ATRNL1: variants seen among roughly 807,000 people sequenced by gnomAD.
ATRNL1 encodes the protein attractin-like protein 1.
A neutral mutation model predicts 182.7 loss-of-function variants in ATRNL1; 95 were observed. The ratio of observed to expected loss-of-function variants is 0.52; its 90% CI spans 0.44 to 0.62. ATRNL1 has a LOEUF of 0.62. Among genes scored for constraint, ATRNL1 ranks in the 20% least tolerant of loss-of-function variants. ATRNL1 has a pLI of 0.00. For synonymous variants in ATRNL1, 576 were observed against 568.3 expected, an observed-to-expected ratio of 1.01 and a Z score of -0.19; for missense variants, 1,471 against 1,679.5, an observed-to-expected ratio of 0.88 and a Z score of 2.17.
At chr10:115,253,484 C>T (rs1345328835) in intron 10 of ATRNL1, among the ~76,000 whole-genome samples, 1 of 152,098 alleles carries the variant, frequency 6.6e-6, no homozygotes, top group Non-Finnish European at 1.5e-5. Flanking sequence ...GAATTATGAT[C>T]TGGGCAGCAT....
chr10:115,252,089 C>T (rs904015442), intron 10 of ATRNL1, among the ~76,000 whole-genome samples: 1 of 152,004 alleles, frequency 6.6e-6, no homozygotes, highest in Non-Finnish European at 1.5e-5. Flanking sequence ...TGCAGTGGTT[C>T]GATCTTGGCT....
At chr10:115,163,086 G>C (rs984299551) in intron 6 of ATRNL1, among the ~76,000 whole-genome samples, 7 of 151,440 alleles carry the variant, frequency 4.6e-5, no homozygotes, top group Admixed American at 4.6e-4. Context: ...TGTGGTCAAG[G>C]GGTTTTTCTT....
At chr10:115,434,652 C>A (rs1554964546) in intron 21 of ATRNL1, among the ~76,000 whole-genome samples, 15 of 152,112 alleles carry the variant, frequency 9.9e-5, no homozygotes, top group Non-Finnish European at 5.9e-5. Flanking sequence ...CATAACTTCC[C>A]AAAATTGATA....
At chr10:115,570,428 A>T (rs1470145196) in intron 26 of ATRNL1, among the ~76,000 whole-genome samples, 1 of 152,194 alleles carries the variant, frequency 6.6e-6, no homozygotes, top group Non-Finnish European at 1.5e-5. Context: ...AGCAAACATG[A>T]AGATATATTT....
chr10:115,223,929 A>ATATATATATATTTTTTTTTTT (rs1420143943), intron 9 of ATRNL1, among the ~76,000 whole-genome samples: 1 of 44,730 alleles, frequency 2.2e-5, no homozygotes, highest in African/African-American at 9.2e-5. Context: ...ATATATATAT[A>ATATATATATATTTTTTTTTTT]TTTTTTTTTT....
At chr10:115,240,069 A>G (rs1359807640) in intron 9 of ATRNL1, among the ~76,000 whole-genome samples, 2 of 151,930 alleles carry the variant, frequency 1.3e-5, no homozygotes, top group East Asian at 3.9e-4. Context: ...GTAATTATCT[A>G]TTGCCATAGA....
intron 27 of ATRNL1, among the ~76,000 whole-genome samples, chr10:115,748,533 T>C (rs1433274540): frequency 6.6e-6 from 1 of 151,822 alleles, no homozygotes; most frequent in Admixed American, 6.6e-5. Context: ...CTGGACACTC[T>C]TTTGGTTTCA....
chr10:115,900,350 G>C (rs966112963), intron 28 of ATRNL1, among the ~76,000 whole-genome samples: 3 of 152,170 alleles, frequency 2.0e-5, no homozygotes, highest in African/African-American at 7.2e-5. Flanking sequence ...GGAAGAGAAA[G>C]ATTTCTTTAA....
chr10:115,558,377 C>G (rs1405617623), intron 26 of ATRNL1, among the ~76,000 whole-genome samples: 1 of 152,108 alleles, frequency 6.6e-6, no homozygotes, highest in African/African-American at 2.4e-5. Flanking sequence ...TTGGCTACCC[C>G]TTATCTGGAA....
chr10:115,941,578 AT>A (rs1201054743), intron 28 of ATRNL1, among the ~76,000 whole-genome samples: 1 of 152,226 alleles, frequency 6.6e-6, no homozygotes, highest in Non-Finnish European at 1.5e-5. Context: ...ATGATTTCAT[AT>A]TTGGATGTTG....
At chr10:115,809,405 TA>T (rs1467651655) in intron 27 of ATRNL1, among the ~76,000 whole-genome samples, 6 of 152,042 alleles carry the variant, frequency 3.9e-5, no homozygotes, top group African/African-American at 1.4e-4. Flanking sequence ...TGGACCAATA[TA>T]GGGGGAATTG....
chr10:115,870,540 T>C (rs1247460241), intron 28 of ATRNL1, among the ~76,000 whole-genome samples: 1 of 152,236 alleles, frequency 6.6e-6, no homozygotes, highest in East Asian at 1.9e-4. Flanking sequence ...CAACTGCTCC[T>C]GAAGGACTAA....
chr10:115,585,326 T>G, intron 26 of ATRNL1, among the ~76,000 whole-genome samples: 1 of 109,082 alleles, frequency 9.2e-6, no homozygotes, highest in Non-Finnish European at 2.1e-5. Flanking sequence ...GTCTCGTTGA[T>G]CTTTCTAATA....
intron 26 of ATRNL1, among the ~76,000 whole-genome samples, chr10:115,630,545 A>G (rs963688062): frequency 9.2e-5 from 14 of 151,772 alleles, no homozygotes; most frequent in African/African-American, 3.4e-4. Flanking sequence ...AGTCTCTCCA[A>G]GAGACATCTG....
At chr10:115,716,282 G>A (rs1300887311) in intron 26 of ATRNL1, among the ~76,000 whole-genome samples, 1 of 151,978 alleles carries the variant, frequency 6.6e-6, no homozygotes, top group Non-Finnish European at 1.5e-5. Context: ...ATATTGAACT[G>A]AAAATGACTC....
rs964531008 is a variant in ATRNL1 at position 115,361,785 on chromosome 10, C to T, written c.3175+27366C>T. ...TGTAAATTTTATAGCACTCTTGGCC[C>T]TTTGAGTCTCCAATTTATAACTTAA... On this transcript the variant is annotated intron_variant, in intron 19 of 28. Coordinates refer to ENST00000355044, the MANE Select transcript of ATRNL1 (RefSeq NM_207303.4). Among the ~76,000 whole-genome samples the T allele has an allele frequency of 2.6e-5, 4 of 152,046 alleles. No individual in the cohort carries two copies. The East Asian group carries it at 7.7e-4, about 29-fold the overall frequency.
chr10:115,229,297 AT>A (rs142630699), intron 9 of ATRNL1, among the ~76,000 whole-genome samples: 5,255 of 151,288 alleles, frequency 0.035, 290 homozygotes, highest in African/African-American at 0.12. Flanking sequence ...TTATGAAATT[AT>A]TTTTTTTTGT....
At chr10:115,808,517 G>T (rs1034149756) in intron 27 of ATRNL1, among the ~76,000 whole-genome samples, 7 of 152,240 alleles carry the variant, frequency 4.6e-5, no homozygotes, top group African/African-American at 1.7e-4. Flanking sequence ...GTAGACACAT[G>T]ATTTCATTTC....
intron 28 of ATRNL1, among the ~76,000 whole-genome samples, chr10:115,897,927 TC>T (rs1451356592): frequency 6.6e-6 from 1 of 150,648 alleles, no homozygotes; most frequent in Non-Finnish European, 1.5e-5. Flanking sequence ...GTATAGGTCA[TC>T]CTTATTTTTT....
Sources: gnomAD v4.1 joint callset for allele counts (sites outside exome capture counted in the v4.1 genomes callset) on GRCh38, gnomAD v4.1.1 for gene constraint, MANE v1.5 for transcripts, NCBI Gene and HGNC (gene_info 2026-07-23, HGNC 2026-07-21) for gene names.